MARCHF3: variants seen among roughly 807,000 people sequenced by gnomAD.
MARCHF3 encodes E3 ubiquitin-protein ligase MARCHF3.
MARCHF3 carries 13 observed loss-of-function variants against 24.2 expected under a neutral mutation model. The observed-to-expected ratio is 0.54, with a 90% CI of 0.35 to 0.85. The LOEUF is 0.85. MARCHF3 is among the 40% of genes least tolerant of loss of function. The pLI is 0.01. For missense variants in MARCHF3, 276 were observed against 325.0 expected (o/e 0.85, Z 1.16); for synonymous variants, 144 against 137.3 (o/e 1.05, Z -0.34).
intron 3 of MARCHF3, among the ~76,000 whole-genome samples, chr5:126,907,126 T>C (rs1436722503): frequency 4.6e-5 from 7 of 151,548 alleles, no homozygotes; most frequent in Admixed American, 2.0e-4. Context: ...AGTTGAGCGG[T>C]TTTGAGTGAG....
intron 4 of MARCHF3, among the ~76,000 whole-genome samples, chr5:126,874,959 C>T (rs1008208882): frequency 1.3e-5 from 2 of 152,064 alleles, no homozygotes; most frequent in East Asian, 1.9e-4. Flanking sequence ...TTTGAGGAAC[C>T]GGGTCGCTCA....
intron 1 of MARCHF3, among the ~76,000 whole-genome samples, chr5:126,954,256 AGCCAGGATG>A (rs1750358937): frequency 1.5e-5 from 2 of 129,712 alleles, no homozygotes; most frequent in Non-Finnish European, 3.1e-5. Context: ...TCACCGTGTT[AGCCAGGATG>A]GTCTTGATCT....
intron 3 of MARCHF3, among the ~76,000 whole-genome samples, chr5:126,911,391 T>C (rs979174632): frequency 5.3e-5 from 8 of 152,156 alleles, no homozygotes; most frequent in African/African-American, 1.7e-4. Flanking sequence ...AGCTTTAAAA[T>C]TTCTCTCTTT....
At chr5:126,877,113 T>C (rs1753186853) in intron 4 of MARCHF3, among the ~76,000 whole-genome samples, 1 of 151,782 alleles carries the variant, frequency 6.6e-6, no homozygotes, top group African/African-American at 2.4e-5. Flanking sequence ...TTGAACACTC[T>C]CACTGGAGGG....
At chr5:126,964,295 C>T (rs77655984) in intron 1 of MARCHF3, among the ~76,000 whole-genome samples, 2,502 of 152,294 alleles carry the variant, frequency 0.016, 64 homozygotes, top group African/African-American at 0.057. Context: ...TGTCACAAGG[C>T]TGGTTCATCC....
At chr5:126,973,410 T>A (rs1394440215) in intron 1 of MARCHF3, among the ~76,000 whole-genome samples, 1 of 152,216 alleles carries the variant, frequency 6.6e-6, no homozygotes, top group African/African-American at 2.4e-5. Context: ...GAATTCCACC[T>A]CTCTGGGGTT....
intron 1 of MARCHF3, among the ~76,000 whole-genome samples, chr5:126,974,658 A>G (rs919430628): frequency 6.6e-6 from 1 of 152,208 alleles, no homozygotes; most frequent in African/African-American, 2.4e-5. Flanking sequence ...AACTCATTTA[A>G]AAGTGGATTT....
intron 3 of MARCHF3, among the ~76,000 whole-genome samples, chr5:126,909,824 C>A (rs1431524852): frequency 6.6e-6 from 1 of 152,110 alleles, no homozygotes. Flanking sequence ...ATTCTCTGGG[C>A]ACACTTTAAA....
chr5:126,980,346 C>A, intron 1 of MARCHF3, among the ~76,000 whole-genome samples: 1 of 151,522 alleles, frequency 6.6e-6, no homozygotes, highest in East Asian at 1.9e-4. Flanking sequence ...TGTAGAATCT[C>A]TTGAGTTTGA....
chr5:126,895,067 C>A (rs1467151646), intron 3 of MARCHF3, among the ~76,000 whole-genome samples: 1 of 152,000 alleles, frequency 6.6e-6, no homozygotes, highest in Non-Finnish European at 1.5e-5. Flanking sequence ...ATTTCATCTT[C>A]CATTGCTGAT....
chr5:126,975,866 A>T (rs1751176975), intron 1 of MARCHF3, among the ~76,000 whole-genome samples: 1 of 152,224 alleles, frequency 6.6e-6, no homozygotes, highest in Admixed American at 6.5e-5. Context: ...CTTTGAATAG[A>T]TCAATCTTCT....
At chr5:126,962,888 A>G (rs1391389104) in intron 1 of MARCHF3, among the ~76,000 whole-genome samples, 1 of 151,770 alleles carries the variant, frequency 6.6e-6, no homozygotes, top group Non-Finnish European at 1.5e-5. Context: ...AGTAGCAACA[A>G]TAATAAAACA....
chr5:126,978,899 T>C (rs938043444), intron 1 of MARCHF3, among the ~76,000 whole-genome samples: 1 of 152,232 alleles, frequency 6.6e-6, no homozygotes, highest in Admixed American at 6.5e-5. Flanking sequence ...ATACATTTTC[T>C]GGAGCAAGGG....
intron 3 of MARCHF3, among the ~76,000 whole-genome samples, chr5:126,882,300 G>C (rs548621035): frequency 6.6e-6 from 1 of 152,266 alleles, no homozygotes; most frequent in Non-Finnish European, 1.5e-5. Flanking sequence ...GTTTTATTGG[G>C]TACATCTGGT....
At chr5:126,950,364 G>A (rs955356243) in intron 1 of MARCHF3, among the ~76,000 whole-genome samples, 15 of 151,902 alleles carry the variant, frequency 9.9e-5, no homozygotes, top group Admixed American at 9.2e-4. Flanking sequence ...CACTCTTCTC[G>A]ACAACAATTT....
intron 3 of MARCHF3, among the ~76,000 whole-genome samples, chr5:126,892,279 T>C (rs900270190): frequency 6.7e-6 from 1 of 149,680 alleles, no homozygotes; most frequent in Non-Finnish European, 1.5e-5. Flanking sequence ...ATACCCTTTA[T>C]TTCCTTCTCC....
intron 1 of MARCHF3, among the ~76,000 whole-genome samples, chr5:127,014,008 A>G (rs563409902): frequency 6.6e-6 from 1 of 152,212 alleles, no homozygotes; most frequent in Non-Finnish European, 1.5e-5. Flanking sequence ...TTTTATGATT[A>G]AGAACTCAAA....
At chr5:126,967,793 G>A (rs1437120041) in intron 1 of MARCHF3, among the ~76,000 whole-genome samples, 3 of 152,088 alleles carry the variant, frequency 2.0e-5, no homozygotes, top group Non-Finnish European at 4.4e-5. Flanking sequence ...CATCCAACCT[G>A]CTGCCTGTGT....
intron 1 of MARCHF3, among the ~76,000 whole-genome samples, chr5:127,020,198 T>A (rs758570820): frequency 2.0e-4 from 31 of 152,240 alleles, no homozygotes; most frequent in Non-Finnish European, 3.2e-4. Flanking sequence ...GGTCTTCTGT[T>A]GCTATAAAGC....
Sources: gnomAD v4.1 joint callset for allele counts (sites outside exome capture counted in the v4.1 genomes callset) on GRCh38, gnomAD v4.1.1 for gene constraint, MANE v1.5 for transcripts, NCBI Gene and HGNC (gene_info 2026-07-23, HGNC 2026-07-21) for gene names.